ANK1: variants seen among roughly 807,000 people sequenced by gnomAD.
ANK1 encodes ankyrin 1, also known as ankyrin-1.
Under a neutral mutation model 210.4 loss-of-function variants are expected in ANK1, and 51 were observed. That is an observed-to-expected ratio of 0.24 (90% CI 0.19 to 0.31). The LOEUF is 0.31. Ranked by LOEUF, ANK1 falls within the 10% of genes least tolerant of loss-of-function variation. The pLI is 1.00. For synonymous variants in ANK1, 967 were observed against 1,025.9 expected, an observed-to-expected ratio of 0.94 and a Z score of 1.10; for missense variants, 2,051 against 2,504.4, an observed-to-expected ratio of 0.82 and a Z score of 3.86.
chr8:41,681,817 TG>T (rs1816156803), intron 37 of ANK1, among the ~76,000 whole-genome samples: 1 of 147,542 alleles, frequency 6.8e-6, no homozygotes, highest in East Asian at 2.0e-4. Context: ...CCAGACTTTC[TG>T]GGGCAAGGAA....
chr8:41,771,716 G>A (rs1206890271), intron 1 of ANK1, among the ~76,000 whole-genome samples: 3 of 152,212 alleles, frequency 2.0e-5, no homozygotes, highest in African/African-American at 4.8e-5. Flanking sequence ...CGCCTGTGGG[G>A]TTCTGTCCTC....
chr8:41,896,323 G>A, intron 1 of ANK1: 1 of 1,580,688 alleles, frequency 6.3e-7, no homozygotes, highest in South Asian at 1.1e-5. Context: ...AGGTGCCGCG[G>A]TCGCTGGGCT....
chr8:41,659,785 G>A (rs1807279734), intron 42 of ANK1, among the ~76,000 whole-genome samples: 5 of 150,360 alleles, frequency 3.3e-5, no homozygotes, highest in Admixed American at 2.7e-4. Context: ...GCTGCTCCGT[G>A]TTTCTGACAC....
chr8:41,702,082 G>A lies in ANK1; in HGVS notation c.2358C>T (p.Leu786=), dbSNP rs766077371. The A allele has an allele frequency of 3.7e-6, 6 of 1,614,120 alleles. No homozygotes were observed. The highest frequency in any genetic ancestry group is 5.1e-6 in the Non-Finnish European group (6 of 1,180,050). Reference sequence around the variant, plus strand: ...AACTGGTTTCATCCGTGACGACCTTGAGCACGTCGGTGACAGAAATGTAGC... The same window carrying A: ...AACTGGTTTCATCCGTGACGACCTTAAGCACGTCGGTGACAGAAATGTAGC... The part of the protein sequence containing the change: ...RLGYISVTDV[L]KVVTDETSFV... The change falls in exon 21 of 43, where the codon CTC becomes CTT. Residue 786 remains leucine (L), a synonymous_variant. Transcript: ENST00000289734.
intron 1 of ANK1, 88 bp from the exon 2 acceptor site, chr8:41,758,225 C>T: frequency 8.5e-7 from 1 of 1,182,648 alleles, no homozygotes; most frequent in Non-Finnish European, 1.3e-6. Flanking sequence ...CGCAGCAGCC[C>T]CTGCATCCTC....
chr8:41,692,128 C>T (rs1819442467), intron 31 of ANK1, among the ~76,000 whole-genome samples: 2 of 151,846 alleles, frequency 1.3e-5, no homozygotes, highest in South Asian at 4.2e-4. Flanking sequence ...GCGATCTCGG[C>T]TCACTGCAAC....
At chr8:41,664,927 G>A in intron 39 of ANK1, 1 of 1,614,250 alleles carries the variant, frequency 6.2e-7, no homozygotes, top group Non-Finnish European at 8.5e-7. Context: ...ACAAAGCACA[G>A]GGACCCCCTG....
chr8:41,875,634 C>T (rs1399592765), intron 1 of ANK1, among the ~76,000 whole-genome samples: 1 of 152,146 alleles, frequency 6.6e-6, no homozygotes, highest in Non-Finnish European at 1.5e-5. Flanking sequence ...GCCAGGGATG[C>T]GTGAGTGATG....
In ANK1 at chr8:41,714,998, G is replaced by C. The variant is rs1198471684; in HGVS notation, c.1679C>G (p.Ala560Gly). Residue 560 changes from alanine (A) to glycine (G), a missense_variant, in exon 15 of 43, where the codon GCA becomes GGA. Around this residue, in one of 6 missense-constraint regions of ANK1, gnomAD observed 1,413 missense variants for 1,707.4 expected, o/e 0.83. Transcript: ENST00000289734. ...RVAELLLERD[A>G]HPNAAGKNGL... is the part of the protein sequence containing the mutation. Reference sequence around the variant, plus strand: ...CACTTTTCCGGCAGCATTCGGGTGTGCGTCCCGCTCCAGCAGCAGCTCTGC... The same window carrying C: ...CACTTTTCCGGCAGCATTCGGGTGTCCGTCCCGCTCCAGCAGCAGCTCTGC... 2 of 1,614,010 alleles carry C rather than the reference G, an allele frequency of 1.2e-6. No individual in the cohort carries two copies. The highest frequency in any genetic ancestry group is 1.7e-6 in the Non-Finnish European group (2 of 1,180,030).
intron 1 of ANK1, among the ~76,000 whole-genome samples, chr8:41,860,886 C>A (rs1813143400): frequency 2.0e-5 from 3 of 152,230 alleles, no homozygotes; most frequent in Admixed American, 2.0e-4. Flanking sequence ...CTGCTACCAA[C>A]AGAAGCCTGC....
chr8:41,661,772 G>C (rs959659281), intron 41 of ANK1, 104 bp downstream of exon 41: 2 of 1,612,402 alleles, frequency 1.2e-6, no homozygotes, highest in Non-Finnish European at 1.7e-6. Context: ...ATGGCGCTGG[G>C]TCCCCCAGGG....
chr8:41,887,539 G>A (rs765721331), intron 1 of ANK1, among the ~76,000 whole-genome samples: 15 of 152,170 alleles, frequency 9.9e-5, no homozygotes, highest in Admixed American at 2.6e-4. Flanking sequence ...GATTACAGGC[G>A]TGAGCCACTG....
At chr8:41,871,159 T>C (rs1477232357) in intron 1 of ANK1, among the ~76,000 whole-genome samples, 3 of 152,122 alleles carry the variant, frequency 2.0e-5, no homozygotes, top group Non-Finnish European at 2.9e-5. Context: ...AGGTCCAGGG[T>C]GCCTTCCCAT....
At chr8:41,865,085 T>C (rs935869930) in intron 1 of ANK1, among the ~76,000 whole-genome samples, 3 of 152,158 alleles carry the variant, frequency 2.0e-5, no homozygotes, top group African/African-American at 4.8e-5. Flanking sequence ...ATCCAGTGTG[T>C]GGCGCTGCAC....
At chr8:41,689,066 G>T (rs529181591) in intron 33 of ANK1, among the ~76,000 whole-genome samples, 1 of 152,228 alleles carries the variant, frequency 6.6e-6, no homozygotes, top group African/African-American at 2.4e-5. Flanking sequence ...TAACATCACA[G>T]CCCTGTGGAA....
intron 24 of ANK1, chr8:41,697,815 C>G: frequency 1.6e-6 from 1 of 622,650 alleles, no homozygotes; most frequent in Non-Finnish European, 2.9e-6. Context: ...AGGACTGCGC[C>G]ACCACAGGAA....
intron 1 of ANK1, among the ~76,000 whole-genome samples, chr8:41,821,285 A>G (rs1486942966): frequency 6.6e-6 from 1 of 152,224 alleles, no homozygotes; most frequent in African/African-American, 2.4e-5. Flanking sequence ...AAATAAATAT[A>G]TATAGGAGTT....
intron 2 of ANK1, among the ~76,000 whole-genome samples, chr8:41,754,618 T>C (rs1447377405): frequency 1.3e-5 from 2 of 152,232 alleles, no homozygotes; most frequent in African/African-American, 4.8e-5. Context: ...TCTCTTGCCA[T>C]GACCCCGGGA....
chr8:41,691,393 A>G (rs66593272), intron 31 of ANK1, among the ~76,000 whole-genome samples: 1 of 152,150 alleles, frequency 6.6e-6, no homozygotes, highest in Non-Finnish European at 1.5e-5. Context: ...TGAGGCTGAA[A>G]GAGAAAAACC....
Sources: gnomAD v4.1 joint callset for allele counts (sites outside exome capture counted in the v4.1 genomes callset) on GRCh38, gnomAD v4.1.1 for gene constraint, gnomAD v4.1.1 regional missense constraint, MANE v1.5 for transcripts, NCBI Gene and HGNC (gene_info 2026-07-23, HGNC 2026-07-21) for gene names.